DROSHA: variants seen among roughly 807,000 people sequenced by gnomAD.
The protein encoded by DROSHA is drosha ribonuclease III.
Under a neutral mutation model 181.9 loss-of-function variants are expected in DROSHA, and 56 were observed. The ratio of observed to expected loss-of-function variants is 0.31; its 90% CI spans 0.25 to 0.38. The LOEUF is 0.38. Ranked by LOEUF, DROSHA falls within the 10% of genes least tolerant of loss-of-function variation. The pLI, the probability that DROSHA is intolerant of heterozygous loss-of-function variation, is 1.00. For synonymous variants in DROSHA, 524 were observed against 591.2 expected (o/e 0.89, Z 1.65); for missense variants, 1,218 against 1,743.5 (o/e 0.70, Z 5.37).
chr5:31,463,025 C>A (rs183255190), intron 20 of DROSHA, among the ~76,000 whole-genome samples: 204 of 152,180 alleles, frequency 1.3e-3, no homozygotes, highest in Non-Finnish European at 2.3e-3. Flanking sequence ...CTGATGATGT[C>A]CACCTTTGGA....
intron 10 of DROSHA, among the ~76,000 whole-genome samples, chr5:31,508,284 A>C (rs1181452688): frequency 6.6e-6 from 1 of 152,226 alleles, no homozygotes; most frequent in Non-Finnish European, 1.5e-5. Flanking sequence ...GCAGCAAGAT[A>C]CCTTCCAGGT....
Position 31,452,619 on chromosome 5 carries a change from A to C in DROSHA, c.2575-979T>G, listed in dbSNP as rs141195436. 4.3e-3 allele frequency among the ~76,000 whole-genome samples: 656 copies of C among 152,332 alleles called. 5 individuals carry two copies. The highest frequency in any genetic ancestry group is 0.015 in the African/African-American group (619 of 41,564). On this transcript the variant is annotated intron_variant, in intron 20 of 35. Transcript: ENST00000344624. ...ATGCTTTATATTATTTCAGTCTTTG[A>C]AGTGTTTTAAGCTGGTATTGTTTAA... is the stretch of plus-strand genomic sequence containing the variant.
At chr5:31,466,546 G>A (rs564978434) in intron 18 of DROSHA, 14 of 273,750 alleles carry the variant, frequency 5.1e-5, no homozygotes. Flanking sequence ...TGAATCTCTG[G>A]AAAGAATTCC....
At chr5:31,480,201 T>TATATATATAC (rs1750874938) in intron 16 of DROSHA, among the ~76,000 whole-genome samples, 1 of 130,788 alleles carries the variant, frequency 7.6e-6, no homozygotes, top group Admixed American at 7.9e-5. Context: ...TATATATATA[T>TATATATATAC]ATACTGAAAA....
intron 24 of DROSHA, among the ~76,000 whole-genome samples, chr5:31,436,682 C>A (rs964814852): frequency 6.6e-6 from 1 of 151,506 alleles, no homozygotes; most frequent in Non-Finnish European, 1.5e-5. Context: ...CGTGAGCCAC[C>A]GCGCCTAGCG....
At chr5:31,494,577 G>A (rs528956893) in intron 12 of DROSHA, among the ~76,000 whole-genome samples, 5 of 152,084 alleles carry the variant, frequency 3.3e-5, no homozygotes, top group Admixed American at 1.3e-4. Context: ...ACTTGAGACC[G>A]GAGTTCAAAT....
chr5:31,498,564 C>T (rs561894016), intron 11 of DROSHA, among the ~76,000 whole-genome samples: 13 of 152,076 alleles, frequency 8.5e-5, no homozygotes, highest in East Asian at 7.7e-4. Context: ...GATCTTAAGA[C>T]GGGAAAAGGC....
chr5:31,422,797 G>A lies in DROSHA; in HGVS notation c.3409C>T (p.His1137Tyr). ...AFTLRTVGFNHLTLGHNQRME... is the reference protein window; with the variant it reads ...AFTLRTVGFNYLTLGHNQRME... ...GAACTTTTAACTCACAGGGTCAGATGGTTAAATCCCACAGTTCTCAATGTG... is the reference window on the plus strand; with the variant it reads ...GAACTTTTAACTCACAGGGTCAGATAGTTAAATCCCACAGTTCTCAATGTG... Residue 1137 changes from histidine (H) to tyrosine (Y), a missense_variant, in exon 29 of 36, where the codon CAT becomes TAT. Physicochemically the swap from His to Tyr is moderately conservative, Grantham distance 83. Coordinates refer to ENST00000344624, the MANE Select transcript of DROSHA (RefSeq NM_001382508.1). 1 of 1,613,626 alleles carries A rather than the reference G, an allele frequency of 6.2e-7. No homozygotes were observed.
At chr5:31,463,618 T>C (rs1748665171) in intron 20 of DROSHA, among the ~76,000 whole-genome samples, 1 of 152,148 alleles carries the variant, frequency 6.6e-6, no homozygotes, top group Admixed American at 6.5e-5. Context: ...AAACAGAATA[T>C]GTTGGTTTAG....
intron 35 of DROSHA, among the ~76,000 whole-genome samples, chr5:31,402,806 T>A (rs998656997): frequency 6.6e-6 from 1 of 152,132 alleles, no homozygotes; most frequent in Non-Finnish European, 1.5e-5. Context: ...TTATTTATTA[T>A]TTATTTATTT....
intron 23 of DROSHA, among the ~76,000 whole-genome samples, chr5:31,442,871 C>A (rs561662056): frequency 9.2e-5 from 14 of 151,970 alleles, no homozygotes; most frequent in Non-Finnish European, 1.6e-4. Flanking sequence ...TCCAGTAGAT[C>A]TCAGATCTAC....
intron 20 of DROSHA, among the ~76,000 whole-genome samples, chr5:31,454,321 GAA>G (rs1332752897): frequency 1.3e-5 from 2 of 152,164 alleles, no homozygotes; most frequent in Admixed American, 6.5e-5. Context: ...ACAACCAGGA[GAA>G]AGTGTTGGGA....
chr5:31,475,556 GC>G (rs961836728), intron 16 of DROSHA, among the ~76,000 whole-genome samples: 4 of 152,120 alleles, frequency 2.6e-5, no homozygotes, highest in Non-Finnish European at 5.9e-5. Context: ...ACACAGAACA[GC>G]AGGAATAAAG....
At chr5:31,465,797 G>A (rs746415824) in intron 19 of DROSHA, among the ~76,000 whole-genome samples, 8 of 152,072 alleles carry the variant, frequency 5.3e-5, no homozygotes, top group South Asian at 2.1e-4. Context: ...GTCATATGAC[G>A]TGCCTGCTCC....
At position 31,530,930 on chromosome 5, in the gene DROSHA, C is replaced by T. The variant is rs1340367579; in HGVS notation, c.-173-6G>A. ...ACATCCCCGGGAAAAGCAACCTACA[C>T]ACAGTAGGTGGTCAATAAATGTTTA... On this transcript the variant is annotated splice_polypyrimidine_tract_variant and splice_region_variant and intron_variant, in intron 2 of 35. Transcript: ENST00000344624. 7.5e-6 allele frequency: 3 copies of T among 398,502 alleles called. No homozygotes were observed. The highest frequency in any genetic ancestry group is 4.4e-6 in the Non-Finnish European group (1 of 226,012). 24.7% of individuals were successfully genotyped at this position (398,502 alleles called of 1,614,324 possible). A position where few individuals can be genotyped will look rare whatever the true frequency, so the allele number is the denominator to read the frequency against.
At chr5:31,467,209 C>T (rs898782218) in intron 18 of DROSHA, 1 of 151,416 alleles carries the variant, frequency 6.6e-6, no homozygotes, top group Non-Finnish European at 1.5e-5. Flanking sequence ...ACCCTTTAGC[C>T]TCTTCTAATA....
At chr5:31,413,344 C>A (rs1233408625) in intron 30 of DROSHA, among the ~76,000 whole-genome samples, 2 of 152,184 alleles carry the variant, frequency 1.3e-5, no homozygotes, top group African/African-American at 4.8e-5. Flanking sequence ...ATATTCTCAT[C>A]GTCAGTTTAA....
At chr5:31,448,738 G>C in intron 22 of DROSHA, 131 bp from the exon 23 acceptor site, 2 of 673,750 alleles carry the variant, frequency 3.0e-6, no homozygotes, top group Middle Eastern at 3.9e-4. Context: ...CTGTCTAAAA[G>C]TGTGATAAAC....
chr5:31,413,449 G>A (rs1019164682), intron 30 of DROSHA, among the ~76,000 whole-genome samples: 5 of 152,310 alleles, frequency 3.3e-5, no homozygotes, highest in Admixed American at 1.3e-4. Flanking sequence ...TTTCATCCTT[G>A]TCCTTTGCTG....
Sources: allele counts gnomAD v4.1 joint callset (sites outside exome capture counted in the v4.1 genomes callset), GRCh38; gene constraint gnomAD v4.1.1; transcripts MANE v1.5; gene names NCBI Gene and HGNC (gene_info 2026-07-23, HGNC 2026-07-21).